Variants in TUT7 observed in about 807,000 individuals in gnomAD.
The protein encoded by TUT7 is terminal uridylyltransferase 7.
In TUT7, 33 loss-of-function variants were observed where a neutral mutation model predicts 165.9. The ratio of observed to expected loss-of-function variants is 0.20; its 90% CI spans 0.15 to 0.27. The LOEUF is 0.27. TUT7 is among the 10% of genes least tolerant of loss of function. TUT7 has a pLI of 1.00. For synonymous variants in TUT7, 552 were observed against 608.1 expected (o/e 0.91, Z 1.36); for missense variants, 1,338 against 1,762.3 (o/e 0.76, Z 4.31).
chr9:86,345,863 T>C (rs1831709984), intron 3 of TUT7, 78 bp from the exon 4 acceptor site: 1 of 1,041,524 alleles, frequency 9.6e-7, no homozygotes, highest in African/African-American at 1.6e-5. Context: ...AGCCAGGAAA[T>C]GATTTCCCCT....
intron 3 of TUT7, 77 bp downstream of exon 3, chr9:86,346,222 C>T: frequency 1.5e-6 from 2 of 1,343,786 alleles, no homozygotes; most frequent in South Asian, 2.6e-5. Flanking sequence ...TTGATCAGAG[C>T]ATGCATACTC....
Position 86,352,861 on chromosome 9 carries a change from C to G in TUT7, c.339G>C (p.Trp113Cys). The G allele has an allele frequency of 1.2e-6, 2 of 1,614,186 alleles. No individual in the cohort carries two copies. Among genetic ancestry groups the G allele is most frequent in the Non-Finnish European group, 1.7e-6 (2 of 1,180,024 alleles). The part of the protein sequence containing the change: ...SDEHTGNSDN[W>C]REFKPGPRIP... ...TTCTAGGTCCAGGTTTGAATTCTCT[C>G]CAGTTGTCTGAATTACCAGTATGTT... Residue 113 changes from tryptophan to cysteine, a missense_variant, in exon 2 of 27, where the codon TGG (tryptophan) becomes TGC (cysteine). Coordinates refer to ENST00000375963, the MANE Select transcript of TUT7 (RefSeq NM_024617.4).
In TUT7 at chr9:86,288,741, C is replaced by T. The variant is rs755936719; in HGVS notation, c.4424G>A (p.Ser1475Asn). 4 of 1,612,114 alleles carry T rather than the reference C, an allele frequency of 2.5e-6. No individual in the cohort carries two copies. The East Asian group carries it at 6.7e-5, about 27-fold the overall frequency. ...ECPQFKGSSG[S>N]LSSKYMTQGK... ...CTGAGTCATATATTTACTGGAAAGG[C>T]TACCTAGAGGAGGGGAAGAAACAAA... is the stretch of plus-strand genomic sequence containing the variant. Residue 1475 changes from serine (S) to asparagine (N), a missense_variant, in exon 27 of 27, where the codon AGC (serine) becomes AAC (asparagine). Coordinates refer to ENST00000375963, the MANE Select transcript of TUT7 (RefSeq NM_024617.4).
chr9:86,352,609 C>T lies in TUT7; in HGVS notation c.520+71G>A. On this transcript the variant is annotated intron_variant, in intron 2 of 26. Coordinates refer to ENST00000375963, the MANE Select transcript of TUT7 (RefSeq NM_024617.4). ...AACTAAATTGCTGAAAATAACAAAA[C>T]TCATTTGGATGAAAAAGAATAAAAC... The T allele has an allele frequency of 5.7e-6, 9 of 1,566,646 alleles. No individual in the cohort carries two copies. In the South Asian group the frequency reaches 9.0e-5, roughly 16 times the overall value.
chr9:86,340,014 A>T lies in TUT7; in HGVS notation c.1208+22T>A, dbSNP rs115261177. 1.5e-3 allele frequency: 2,352 copies of T among 1,601,294 alleles called. 39 individuals carry two copies. In the African/African-American group the frequency reaches 0.028, roughly 19 times the overall value. On this transcript the variant is annotated intron_variant, in intron 8 of 26. Transcript: ENST00000375963. ...TTTGGCAAGTTGAGAGTTAGTAAATAAACAGTTTAAAGAAATGAGACCTTT... is the reference window on the plus strand; with the variant it reads ...TTTGGCAAGTTGAGAGTTAGTAAATTAACAGTTTAAAGAAATGAGACCTTT...
At position 86,345,040 on chromosome 9, in the gene TUT7, T is replaced by G. The variant is rs1289053596; in HGVS notation, c.934A>C (p.Asn312His). The G allele has an allele frequency of 6.2e-7, 1 of 1,613,740 alleles. No individual in the cohort carries two copies. The change falls in exon 5 of 27, where the codon AAC becomes CAC. Residue 312 changes from asparagine to histidine, a missense_variant. Asn to His is a moderately conservative substitution (Grantham distance 68). This residue lies in a region of TUT7 where 434 missense variants were observed against 480.8 expected (regional missense o/e 0.90). Transcript: ENST00000375963. ...TTAATTTCCAGCCTCTGTTCCAAGT[T>G]CTCATTGTGTAAGCCAAATTCCTGT... is the stretch of plus-strand genomic sequence containing the variant. ...VVQEFGLHNE[N>H]LEQRLEIKRI...
rs949760458 is a variant in TUT7 at position 86,311,550 on chromosome 9, A to C, written c.3275-741T>G. Among the ~76,000 whole-genome samples the C allele has an allele frequency of 6.6e-6, 1 of 151,134 alleles. No individual in the cohort carries two copies. Among genetic ancestry groups the C allele is most frequent in the African/African-American group, 2.4e-5 (1 of 41,010 alleles). On this transcript the variant is annotated intron_variant, in intron 17 of 26. Coordinates refer to ENST00000375963, the MANE Select transcript of TUT7 (RefSeq NM_024617.4). The surrounding 1 kb of genome is among the most constrained non-coding windows in gnomAD (Gnocchi z 4.4). The stretch of plus-strand genomic sequence containing the variant: ...ACTACAGAACATACACATTTTGCTA[A>C]GAATTATCCTTAGTCCTCTCCCTCT...
intron 5 of TUT7, among the ~76,000 whole-genome samples, chr9:86,343,662 T>C (rs935616187): frequency 2.0e-5 from 3 of 152,148 alleles, no homozygotes; most frequent in Admixed American, 6.5e-5. Flanking sequence ...AAATAATCTT[T>C]TGACATATTT....
At position 86,309,933 on chromosome 9, in the gene TUT7, T is replaced by C. The variant is rs755436118; in HGVS notation, c.3463A>G (p.Thr1155Ala). 1 of 1,613,294 alleles carries C rather than the reference T, an allele frequency of 6.2e-7. No homozygotes were observed. Among genetic ancestry groups the C allele is most frequent in the South Asian group, 1.1e-5 (1 of 91,030 alleles). The change falls in exon 19 of 27, where the codon ACA becomes GCA. Residue 1155 changes from threonine (T) to alanine (A), a missense_variant. Thr to Ala is a moderately conservative substitution (Grantham distance 58). Transcript: ENST00000375963. ...ACAATAGGAAGCATACTCACCTTTG[T>C]AAATACTTTCATGGTATAGCACAAA... ...KYLCYTMKVF[T>A]KMCDIGDASR...
intron 16 of TUT7, among the ~76,000 whole-genome samples, chr9:86,317,924 T>TA (rs1038283984): frequency 2.0e-5 from 3 of 152,100 alleles, no homozygotes; most frequent in African/African-American, 4.8e-5. Flanking sequence ...ATAAGCCATG[T>TA]AAAAAAATAA....
Position 86,288,732 on chromosome 9 carries a change from CT to C in TUT7, c.4432del (p.Ser1478ValfsTer4), listed in dbSNP as rs761146066. The stretch of plus-strand genomic sequence containing the variant: ...GGCTTTTCCCTGAGTCATATATTTA[CT>C]GGAAAGGCTACCTAGAGGAGGGGAA... ...QFKGSSGSLSSKYMTQGKASA... is the reference protein window; with the variant it reads ...QFKGSSGSLSXKYMTQGKASA... On this transcript the variant is annotated frameshift_variant, in exon 27 of 27. Transcript: ENST00000375963. LOFTEE classifies it high-confidence loss of function. The C allele has an allele frequency of 6.2e-6, 10 of 1,613,268 alleles. No individual in the cohort carries two copies. In the African/African-American group the frequency reaches 1.3e-4, roughly 22 times the overall value.
Position 86,345,076 on chromosome 9 carries a change from C to T in TUT7, c.898G>A (p.Asp300Asn). Residue 300 changes from aspartate to asparagine, a missense_variant, in exon 5 of 27, where the codon GAC (aspartate) becomes AAC (asparagine). This residue lies in a region of TUT7 where 434 missense variants were observed against 480.8 expected (regional missense o/e 0.90). Transcript: ENST00000375963. Reference protein sequence around the residue: ...SQINAVGIAIDKVVQEFGLHN... With the variant: ...SQINAVGIAINKVVQEFGLHN... Reference sequence around the variant, plus strand: ...AAGCCAAATTCCTGTACCACTTTGTCAATGGCAATGCCAACTGCATTTATC... The same window carrying T: ...AAGCCAAATTCCTGTACCACTTTGTTAATGGCAATGCCAACTGCATTTATC... 1 of 1,613,864 alleles carries T rather than the reference C, an allele frequency of 6.2e-7. No individual in the cohort carries two copies.
At position 86,325,374 on chromosome 9, in the gene TUT7, C is replaced by A; in HGVS notation, c.1749G>T (p.Arg583=). ...GCTTTTTGGGCCAATCCTTCAATTC[C>A]CGAGATACCAATTCTTTGACACGAA... The part of the protein sequence containing the change: ...ISIRVKELVS[R]ELKDWPKKRI... Residue 583 remains arginine, a synonymous_variant, in exon 12 of 27, where the codon CGG becomes CGT. Coordinates refer to ENST00000375963, the MANE Select transcript of TUT7 (RefSeq NM_024617.4). The A allele has an allele frequency of 6.2e-7, 1 of 1,613,922 alleles. No individual in the cohort carries two copies.
chr9:86,293,275 C>A (rs189090751), intron 26 of TUT7, among the ~76,000 whole-genome samples: 1 of 151,996 alleles, frequency 6.6e-6, no homozygotes, highest in East Asian at 1.9e-4. Context: ...CATGGCGAGA[C>A]CCTGTCTCTA....
At chr9:86,301,636 A>C (rs756189837) in intron 25 of TUT7, 35 bp from the exon 26 acceptor site, 319 of 1,564,944 alleles carry the variant, frequency 2.0e-4, no homozygotes, top group Non-Finnish European at 2.6e-4. Context: ...CAAAAATCTA[A>C]ACAGAAGCCT....
chr9:86,307,476 T>A (rs908508673), intron 22 of TUT7, among the ~76,000 whole-genome samples: 1 of 152,166 alleles, frequency 6.6e-6, no homozygotes, highest in African/African-American at 2.4e-5. Context: ...GCAGAAATAA[T>A]AATAAAACCA....
At chr9:86,313,992 A>C (rs144929553) in intron 17 of TUT7, among the ~76,000 whole-genome samples, 1 of 152,344 alleles carries the variant, frequency 6.6e-6, no homozygotes, top group Non-Finnish European at 1.5e-5. Flanking sequence ...CACTTTACTG[A>C]ATACTTAGAA....
Position 86,352,968 on chromosome 9 carries a change from C to G in TUT7, c.232G>C (p.Ala78Pro). 1 of 1,614,192 alleles carries G rather than the reference C, an allele frequency of 6.2e-7. No homozygotes were observed. Among genetic ancestry groups the G allele is most frequent in the Non-Finnish European group, 8.5e-7 (1 of 1,180,032 alleles). Reference protein sequence around the residue: ...GPCAVSSNPYAFKNPIYSQPA... With the variant: ...GPCAVSSNPYPFKNPIYSQPA... ...TGACTGTAGATTGGGTTTTTAAATGCATATGGATTGCTGGAAACAGCACAT... is the reference window on the plus strand; with the variant it reads ...TGACTGTAGATTGGGTTTTTAAATGGATATGGATTGCTGGAAACAGCACAT... The change falls in exon 2 of 27, where the codon GCA (alanine) becomes CCA (proline). Residue 78 changes from alanine (A) to proline (P), a missense_variant. Ala to Pro is a conservative substitution (Grantham distance 27). Coordinates refer to ENST00000375963, the MANE Select transcript of TUT7 (RefSeq NM_024617.4).
intron 10 of TUT7, among the ~76,000 whole-genome samples, chr9:86,334,495 T>C (rs2131524419): frequency 6.6e-6 from 1 of 152,362 alleles, no homozygotes; most frequent in South Asian, 2.1e-4. Flanking sequence ...ATTCCGCTCC[T>C]GGCCTTCTGC....
Sources: gnomAD v4.1 joint callset for allele counts (sites outside exome capture counted in the v4.1 genomes callset) on GRCh38, gnomAD v4.1.1 for gene constraint, gnomAD v4.1.1 regional missense constraint, Gnocchi (gnomAD v3.1) non-coding constraint, MANE v1.5 for transcripts, NCBI Gene and HGNC (gene_info 2026-07-23, HGNC 2026-07-21) for gene names.